Variants in RASSF8 observed in about 807,000 individuals in gnomAD.
RASSF8 encodes the protein Ras association domain family member 8.
Under a neutral mutation model 48.5 loss-of-function variants are expected in RASSF8, and 22 were observed. The observed-to-expected ratio is 0.45, with a 90% confidence interval of 0.32 to 0.65. RASSF8 has a LOEUF of 0.65. RASSF8 is among the 30% of genes least tolerant of loss of function. RASSF8 has a pLI of 0.03. For synonymous variants in RASSF8, 127 were observed against 171.5 expected, an observed-to-expected ratio of 0.74 and a Z score of 2.03; for missense variants, 418 against 489.2, an observed-to-expected ratio of 0.85 and a Z score of 1.37.
chr12:26,070,290 T>C lies in RASSF8; in HGVS notation c.*1472T>C, dbSNP rs781465211. ...GGCAACTTTGGATGTTTTAACACAT[T>C]TGACTGACTTTGGTTTAGTGAATGC... On this transcript the variant is annotated 3_prime_UTR_variant, in exon 6 of 6. Coordinates refer to ENST00000689635, the MANE Select transcript of RASSF8 (RefSeq NM_001394098.1). The C allele has an allele frequency of 1.5e-5, 15 of 985,308 alleles. No individual in the cohort carries two copies. Among genetic ancestry groups the C allele is most frequent in the Non-Finnish European group, 1.8e-5 (15 of 829,894 alleles). The allele number at this position is 985,308 out of a possible 1,614,324, so 61.0% of individuals were successfully genotyped here.
chr12:26,075,344 C>A (rs759832501), downstream of RASSF8, among the ~76,000 whole-genome samples: 1 of 152,166 alleles, frequency 6.6e-6, no homozygotes, highest in Non-Finnish European at 1.5e-5. Flanking sequence ...AGAATAAAAA[C>A]ATGGAGAATA....
intron 5 of RASSF8, among the ~76,000 whole-genome samples, chr12:26,068,373 T>C (rs980294184): frequency 2.0e-5 from 3 of 152,182 alleles, no homozygotes; most frequent in African/African-American, 7.2e-5. Flanking sequence ...TCCTTCTTTT[T>C]CTTCTAAAAG....
At chr12:25,972,948 T>C (rs1341656937) in intron 1 of RASSF8, among the ~76,000 whole-genome samples, 3 of 152,204 alleles carry the variant, frequency 2.0e-5, no homozygotes, top group Non-Finnish European at 4.4e-5. Context: ...TCATACAACA[T>C]GTACTCTTTG....
chr12:26,036,714 C>T (rs748106747), intron 2 of RASSF8, among the ~76,000 whole-genome samples: 2 of 151,704 alleles, frequency 1.3e-5, no homozygotes, highest in Non-Finnish European at 2.9e-5. Context: ...TCAAGACTAG[C>T]CTGGCCAACA....
At chr12:26,077,910 A>G (rs1591828274) in intron 5 of RASSF8, among the ~76,000 whole-genome samples, 1 of 152,192 alleles carries the variant, frequency 6.6e-6, no homozygotes, top group Admixed American at 6.5e-5. Flanking sequence ...TAAAATACTT[A>G]TCTCTAAAAC....
At chr12:25,959,437 G>A (rs1941175014) in intron 1 of RASSF8, 1 of 152,278 alleles carries the variant, frequency 6.6e-6, no homozygotes, top group African/African-American at 2.4e-5. Context: ...CTTGGCAAGG[G>A]AGTTTAGAGG....
rs1944024358 is a variant in RASSF8, at chr12:26,072,712, C to T, written c.*3894C>T. On this transcript the variant is annotated 3_prime_UTR_variant, in exon 6 of 6. Transcript: ENST00000689635. Reference sequence around the variant, plus strand: ...TAAATATGCTTTTAGTACTGCTTTGCTTATGTACAAATAAATCTGTAATAT... The same window carrying T: ...TAAATATGCTTTTAGTACTGCTTTGTTTATGTACAAATAAATCTGTAATAT... 1.0e-6 allele frequency: 1 copy of T among 980,566 alleles called. No individual in the cohort carries two copies. Among genetic ancestry groups the T allele is most frequent in the Non-Finnish European group, 1.2e-6 (1 of 825,572 alleles). 60.7% of individuals were successfully genotyped at this position (980,566 alleles called of 1,614,324 possible). A position where few individuals can be genotyped will look rare whatever the true frequency, so the allele number is the denominator to read the frequency against.
chr12:25,968,732 G>T (rs1941415438), intron 1 of RASSF8, among the ~76,000 whole-genome samples: 1 of 152,204 alleles, frequency 6.6e-6, no homozygotes, highest in Admixed American at 6.5e-5. Flanking sequence ...AACACACAAA[G>T]CTCCTGTTTG....
At chr12:26,041,030 G>C (rs758440984) in intron 2 of RASSF8, among the ~76,000 whole-genome samples, 2 of 149,208 alleles carry the variant, frequency 1.3e-5, no homozygotes, top group Non-Finnish European at 3.0e-5. Context: ...TGGGACTACG[G>C]GTGCCCGCCA....
chr12:26,079,160 C>T (rs988771922), exon 6 of RASSF8: 13 of 905,032 alleles, frequency 1.4e-5, no homozygotes, highest in Admixed American at 8.7e-5. Flanking sequence ...ACAAAGGAAA[C>T]GATCACCAAA....
intron 2 of RASSF8, 90 bp from the exon 3 acceptor site, chr12:26,055,146 A>T: frequency 1.8e-6 from 1 of 566,918 alleles, no homozygotes; most frequent in Non-Finnish European, 3.2e-6. Flanking sequence ...AGATTATGAT[A>T]TGTTAAAATT....
intron 1 of RASSF8, among the ~76,000 whole-genome samples, chr12:25,988,644 A>G (rs1941944118): frequency 6.6e-6 from 1 of 152,218 alleles, no homozygotes; most frequent in Non-Finnish European, 1.5e-5. Flanking sequence ...AGAGATTTGT[A>G]TCAGCCACCT....
chr12:26,006,894 G>A (rs1168348471), intron 2 of RASSF8, among the ~76,000 whole-genome samples: 1 of 152,178 alleles, frequency 6.6e-6, no homozygotes, highest in East Asian at 1.9e-4. Flanking sequence ...GGTTGCTATA[G>A]AGGAATACCT....
rs1943961638 is a variant in RASSF8, at chr12:26,069,761, C to A, written c.*943C>A. The A allele has an allele frequency of 6.1e-6, 6 of 985,242 alleles. No homozygotes were observed. Among genetic ancestry groups the A allele is most frequent in the Non-Finnish European group, 7.2e-6 (6 of 829,786 alleles). The allele number at this position is 985,242 out of a possible 1,614,324, so 61.0% of individuals were successfully genotyped here. ...TGATGTATTTTAAAATAACCCGCTTCATATGTATGATCTGTTGGTGTACAC... is the reference window on the plus strand; with the variant it reads ...TGATGTATTTTAAAATAACCCGCTTAATATGTATGATCTGTTGGTGTACAC... On this transcript the variant is annotated 3_prime_UTR_variant, in exon 6 of 6. Coordinates refer to ENST00000689635, the MANE Select transcript of RASSF8 (RefSeq NM_001394098.1).
chr12:25,980,396 C>T (rs989695755), intron 1 of RASSF8, among the ~76,000 whole-genome samples: 4 of 152,190 alleles, frequency 2.6e-5, no homozygotes, highest in Non-Finnish European at 5.9e-5. Flanking sequence ...AATGCAGTAA[C>T]TGCTATGTTT....
chr12:26,050,644 T>A (rs2137212841), intron 2 of RASSF8, among the ~76,000 whole-genome samples: 1 of 152,324 alleles, frequency 6.6e-6, no homozygotes, highest in Non-Finnish European at 1.5e-5. Flanking sequence ...GCAGAAAATC[T>A]CCAAGAAATT....
At chr12:25,998,402 T>A (rs1942180858) in intron 2 of RASSF8, among the ~76,000 whole-genome samples, 1 of 147,660 alleles carries the variant, frequency 6.8e-6, no homozygotes, top group Non-Finnish European at 1.5e-5. Context: ...CAGGCTGGAG[T>A]GCAATGGCGT....
chr12:25,982,531 C>T (rs528617221), intron 1 of RASSF8, among the ~76,000 whole-genome samples: 7 of 152,092 alleles, frequency 4.6e-5, no homozygotes, highest in Admixed American at 1.3e-4. Flanking sequence ...AGATGTATCC[C>T]TAAATGGCAA....
At chr12:26,057,220 G>A (rs889175617) in intron 3 of RASSF8, among the ~76,000 whole-genome samples, 1 of 152,004 alleles carries the variant, frequency 6.6e-6, no homozygotes, top group Non-Finnish European at 1.5e-5. Flanking sequence ...CCATGTTGGT[G>A]TGCTGCACCC....
Sources: gnomAD v4.1 joint callset for allele counts (sites outside exome capture counted in the v4.1 genomes callset) on GRCh38, gnomAD v4.1.1 for gene constraint, MANE v1.5 for transcripts, NCBI Gene and HGNC (gene_info 2026-07-23, HGNC 2026-07-21) for gene names.